Variants in FER1L6 observed in about 807,000 individuals in gnomAD.
The protein encoded by FER1L6 is fer-1-like protein 6.
Under a neutral mutation model 219.2 loss-of-function variants are expected in FER1L6, and 177 were observed. That is an observed-to-expected ratio of 0.81 (90% CI 0.71 to 0.91). The LOEUF (loss-of-function observed/expected upper bound fraction) is 0.91. Among genes scored for constraint, FER1L6 ranks in the 40% least tolerant of loss-of-function variants. The pLI is 0.00. For synonymous variants in FER1L6, 768 were observed against 824.3 expected, an observed-to-expected ratio of 0.93 and a Z score of 1.17; for missense variants, 2,153 against 2,259.9, an observed-to-expected ratio of 0.95 and a Z score of 0.96.
intron 16 of FER1L6, among the ~76,000 whole-genome samples, chr8:124,019,459 A>G (rs1463679114): frequency 1.3e-5 from 2 of 152,296 alleles, no homozygotes; most frequent in East Asian, 3.9e-4. Context: ...CAAACTGTCA[A>G]TGTCTCAGGA....
intron 10 of FER1L6, among the ~76,000 whole-genome samples, 192 bp downstream of exon 10, chr8:123,977,801 C>T (rs531272949): frequency 3.9e-5 from 6 of 152,252 alleles, no homozygotes; most frequent in South Asian, 2.1e-4. Context: ...TTCAGATCAT[C>T]GGGCATTAGT....
At chr8:124,019,393 AT>A (rs1208396353) in intron 16 of FER1L6, among the ~76,000 whole-genome samples, 6 of 152,158 alleles carry the variant, frequency 3.9e-5, no homozygotes, top group Non-Finnish European at 7.3e-5. Context: ...TGCTTCATAC[AT>A]TTTAATTATG....
At chr8:124,081,563 T>A (rs1318313408) in intron 32 of FER1L6, among the ~76,000 whole-genome samples, 2 of 145,286 alleles carry the variant, frequency 1.4e-5, no homozygotes, top group Non-Finnish European at 3.0e-5. Flanking sequence ...ATTTTGTGTG[T>A]ACTTTCTGCA....
Position 124,015,607 on chromosome 8 carries a change from A to ATATATGTATG in FER1L6, c.1923-2016_1923-2015insGTATGTATAT, listed in dbSNP as rs1554632087. Among the ~76,000 whole-genome samples the ATATATGTATG allele has an allele frequency of 2.1e-3, 188 of 88,590 alleles. 6 individuals are homozygous for ATATATGTATG. The highest frequency in any genetic ancestry group is 7.8e-3 in the African/African-American group (182 of 23,246). The allele number at this position is 88,590 out of a possible 152,430, so 58.1% of individuals were successfully genotyped here. On this transcript the variant is annotated intron_variant, in intron 15 of 40. Transcript: ENST00000522917. ...TATATATATATATATATATATATAT[A>ATATATGTATG]TATATATATTACTCCTGCTGTGAGC...
At chr8:123,988,261 A>C (rs1816690395) in intron 12 of FER1L6, among the ~76,000 whole-genome samples, 1 of 152,198 alleles carries the variant, frequency 6.6e-6, no homozygotes. Flanking sequence ...AGGTAATATG[A>C]TTCCTCCAGT....
chr8:124,001,009 A>G (rs1027043740), intron 12 of FER1L6, among the ~76,000 whole-genome samples: 6 of 152,212 alleles, frequency 3.9e-5, no homozygotes, highest in African/African-American at 1.2e-4. Context: ...AAAGGACCAG[A>G]GAAGAGGAAG....
chr8:124,080,606 C>G (rs1356468853), intron 32 of FER1L6, among the ~76,000 whole-genome samples: 1 of 152,154 alleles, frequency 6.6e-6, no homozygotes, highest in Non-Finnish European at 1.5e-5. Flanking sequence ...TCGTGAGCCA[C>G]CGCTCCCGGC....
Position 123,865,053 on chromosome 8 carries a change from T to G in FER1L6, c.-8+12868T>G, listed in dbSNP as rs1216429451. On this transcript the variant is annotated intron_variant, in intron 1 of 40. Transcript: ENST00000522917. Reference sequence around the variant, plus strand: ...CTGCGTTCCTTTGGAGGAGGAGAGGTGCTCTGTGTTTTAGAGTTTCCAGTT... The same window carrying G: ...CTGCGTTCCTTTGGAGGAGGAGAGGGGCTCTGTGTTTTAGAGTTTCCAGTT... Among the ~76,000 whole-genome samples the G allele has an allele frequency of 2.6e-5, 4 of 151,084 alleles. No homozygotes were observed. The East Asian group carries it at 7.7e-4, about 29-fold the overall frequency.
At chr8:124,115,410 C>G (rs185285973) in intron 39 of FER1L6, among the ~76,000 whole-genome samples, 78 of 152,038 alleles carry the variant, frequency 5.1e-4, no homozygotes, top group African/African-American at 1.8e-3. Context: ...TCCCAATGCC[C>G]GATAGATGCA....
chr8:123,965,152 A>C (rs995672416), intron 3 of FER1L6, among the ~76,000 whole-genome samples: 6 of 152,232 alleles, frequency 3.9e-5, no homozygotes, highest in Admixed American at 6.5e-5. Context: ...CAGTTGCAGA[A>C]ATTAAAACTA....
Position 123,975,919 on chromosome 8 carries a change from GT to G in FER1L6, c.708del (p.Pro237HisfsTer11), listed in dbSNP as rs1450512875. 1 of 1,604,626 alleles carries G rather than the reference GT, an allele frequency of 6.2e-7. No individual in the cohort carries two copies. The highest frequency in any genetic ancestry group is 8.5e-7 in the Non-Finnish European group (1 of 1,175,148). ...IEKNLLIPNG[F>X]PLERPWARFY... ...TAAGGAACCTTTTGATCCCCAATGGGTTTCCACTGGAGAGACCGTGGGCCAG... is the reference window on the plus strand; with the variant it reads ...TAAGGAACCTTTTGATCCCCAATGGGTTCCACTGGAGAGACCGTGGGCCAG... On this transcript the variant is annotated frameshift_variant, in exon 9 of 41. Transcript: ENST00000522917. LOFTEE classifies it high-confidence loss of function.
At chr8:123,899,127 G>A (rs556009885) in intron 1 of FER1L6, among the ~76,000 whole-genome samples, 375 of 152,118 alleles carry the variant, frequency 2.5e-3, no homozygotes, top group Middle Eastern at 0.01. Context: ...CACCAGAAGT[G>A]TGGAAGTGTT....
chr8:124,062,402 T>C (rs1420013737), intron 25 of FER1L6, among the ~76,000 whole-genome samples: 2 of 152,188 alleles, frequency 1.3e-5, no homozygotes, highest in African/African-American at 2.4e-5. Context: ...CACTGGTCTA[T>C]TCAAAGATTC....
intron 16 of FER1L6, among the ~76,000 whole-genome samples, chr8:124,021,120 T>C (rs1340567394): frequency 6.6e-6 from 1 of 152,106 alleles, no homozygotes; most frequent in East Asian, 1.9e-4. Flanking sequence ...CATGAGAACC[T>C]TACTCACTAT....
intron 1 of FER1L6, among the ~76,000 whole-genome samples, chr8:123,950,235 A>G (rs1814696941): frequency 6.6e-6 from 1 of 152,166 alleles, no homozygotes; most frequent in South Asian, 2.1e-4. Context: ...TAGCGCGGTC[A>G]TGTGTGATGT....
chr8:123,935,487 C>T (rs957851401), intron 1 of FER1L6, among the ~76,000 whole-genome samples: 39 of 152,344 alleles, frequency 2.6e-4, no homozygotes, highest in African/African-American at 9.1e-4. Flanking sequence ...AAATTCAACA[C>T]TGGCAAATAC....
rs1283960695 is a variant in FER1L6 at position 123,965,997 on chromosome 8, C to T, written c.198-10C>T. ...TGATGAAACAAACATATTAAACTTTCTTTTAATAGATCAAAACTGTTGACT... is the reference window on the plus strand; with the variant it reads ...TGATGAAACAAACATATTAAACTTTTTTTTAATAGATCAAAACTGTTGACT... On this transcript the variant is annotated splice_polypyrimidine_tract_variant and intron_variant, in intron 3 of 40. Coordinates refer to ENST00000522917, the MANE Select transcript of FER1L6 (RefSeq NM_001039112.2). The T allele has an allele frequency of 2.5e-6, 4 of 1,607,952 alleles. No individual in the cohort carries two copies. Among genetic ancestry groups the T allele is most frequent in the African/African-American group, 1.3e-5 (1 of 74,806 alleles).
chr8:124,090,841 G>T (rs1295447950), intron 33 of FER1L6, among the ~76,000 whole-genome samples: 1 of 152,178 alleles, frequency 6.6e-6, no homozygotes, highest in African/African-American at 2.4e-5. Context: ...GATTTTGGTG[G>T]GGTGGTGGGG....
At chr8:124,079,856 C>T (rs1821462706) in intron 32 of FER1L6, among the ~76,000 whole-genome samples, 1 of 152,076 alleles carries the variant, frequency 6.6e-6, no homozygotes, top group Admixed American at 6.5e-5. Context: ...GGGAGAATTC[C>T]CATCTGCATT....
Sources: gnomAD v4.1 joint callset for allele counts (sites outside exome capture counted in the v4.1 genomes callset) on GRCh38, gnomAD v4.1.1 for gene constraint, MANE v1.5 for transcripts, NCBI Gene and HGNC (gene_info 2026-07-23, HGNC 2026-07-21) for gene names.